The following PIGU variants were observed in gnomAD, a reference collection of about 807,000 sequenced individuals.
PIGU encodes GPI-anchor transamidase component PIGU.
A neutral mutation model predicts 49.9 loss-of-function variants in PIGU; 24 were observed. The observed-to-expected ratio is 0.48, with a 90% CI of 0.35 to 0.68. The LOEUF is 0.68. Ranked by LOEUF, PIGU falls within the 30% of genes least tolerant of loss-of-function variation. The pLI is 0.01. For synonymous variants in PIGU, 220 were observed against 205.7 expected (o/e 1.07, Z -0.59); for missense variants, 490 against 532.6 (o/e 0.92, Z 0.79).
chr20:34,621,096 C>G (rs546467774), intron 6 of PIGU, among the ~76,000 whole-genome samples: 14 of 152,222 alleles, frequency 9.2e-5, no homozygotes, highest in African/African-American at 3.1e-4. Flanking sequence ...GCATATGTTT[C>G]TCTCTCTCCC....
intron 10 of PIGU, among the ~76,000 whole-genome samples, chr20:34,580,814 G>C (rs964590372): frequency 3.9e-5 from 6 of 152,200 alleles, no homozygotes; most frequent in African/African-American, 1.4e-4. Context: ...AGAGGGCTAA[G>C]AGCACTGGGG....
chr20:34,643,625 A>G (rs1015370091), intron 4 of PIGU: 3 of 152,342 alleles, frequency 2.0e-5, no homozygotes, highest in Admixed American at 6.5e-5. Flanking sequence ...CCACTATGCA[A>G]TTCTCCTTGG....
intron 1 of PIGU, 33 bp from the exon 2 acceptor site, chr20:34,657,277 T>TAAGCAGGCAGCTACAGACC (rs1295811627): frequency 6.4e-7 from 1 of 1,560,468 alleles, no homozygotes; most frequent in African/African-American, 1.4e-5. Flanking sequence ...TCACTCAGAC[T>TAAGCAGGCAGCTACAGACC]AAGCAGGCAG....
At chr20:34,625,120 C>T (rs142342415) in intron 6 of PIGU, among the ~76,000 whole-genome samples, 2,496 of 152,176 alleles carry the variant, frequency 0.016, 84 homozygotes, top group African/African-American at 0.058. Flanking sequence ...GCATGTAATC[C>T]CAGCACTTTG....
intron 1 of PIGU, among the ~76,000 whole-genome samples, chr20:34,672,726 C>T (rs1236244262): frequency 6.6e-6 from 1 of 151,706 alleles, no homozygotes; most frequent in African/African-American, 2.4e-5. Context: ...AGTGTGGGAG[C>T]ATGCACCAAT....
chr20:34,570,712 AATTTT>A (rs1306804772), intron 11 of PIGU, among the ~76,000 whole-genome samples: 1 of 152,172 alleles, frequency 6.6e-6, no homozygotes, highest in African/African-American at 2.4e-5. Flanking sequence ...AGCCACTATT[AATTTT>A]AATTTTAGGA....
intron 11 of PIGU, among the ~76,000 whole-genome samples, chr20:34,573,807 C>A (rs1490642507): frequency 6.6e-6 from 1 of 152,250 alleles, no homozygotes; most frequent in African/African-American, 2.4e-5. Flanking sequence ...AGAGACAGAA[C>A]AGGCCCTCCG....
rs59998699 is a variant in PIGU at position 34,650,700 on chromosome 20, C to CTTTTTTTTTTTTTTTT, written c.196-5382_196-5367dup. Among the ~76,000 whole-genome samples the CTTTTTTTTTTTTTTTT allele has an allele frequency of 6.9e-3, 266 of 38,810 alleles. 58 individuals carry two copies. Among genetic ancestry groups the CTTTTTTTTTTTTTTTT allele is most frequent in the East Asian group, 0.012 (13 of 1,098 alleles). 25.5% of individuals were successfully genotyped at this position (38,810 alleles called of 152,430 possible). A position where few individuals can be genotyped will look rare whatever the true frequency, so the allele number is the denominator to read the frequency against. On this transcript the variant is annotated intron_variant, in intron 2 of 11. Transcript: ENST00000217446. ...AATTTTTTTCCTTTTCTTTTTTTCTCTTTTTTTTTTTTTTTTTTTTTTTTT... is the reference window on the plus strand; with the variant it reads ...AATTTTTTTCCTTTTCTTTTTTTCTCTTTTTTTTTTTTTTTTTTTTTTTTTTTTTTTTTTTTTTTTT...
chr20:34,589,768 G>A (rs1314537043), intron 7 of PIGU, among the ~76,000 whole-genome samples: 1 of 145,156 alleles, frequency 6.9e-6, no homozygotes, highest in Non-Finnish European at 1.5e-5. Context: ...GGATTCTCCT[G>A]CCTCACCCTC....
chr20:34,613,693 A>C (rs1236353089), intron 7 of PIGU, among the ~76,000 whole-genome samples: 3 of 152,266 alleles, frequency 2.0e-5, no homozygotes. Context: ...GGAAATAAAA[A>C]AGAAAATACA....
At chr20:34,649,512 T>C (rs1986460976) in intron 2 of PIGU, among the ~76,000 whole-genome samples, 1 of 151,970 alleles carries the variant, frequency 6.6e-6, no homozygotes, top group African/African-American at 2.4e-5. Context: ...TGCTGCTAAA[T>C]TCATCTATAC....
At chr20:34,580,406 T>A (rs1983408200) in intron 10 of PIGU, among the ~76,000 whole-genome samples, 1 of 152,108 alleles carries the variant, frequency 6.6e-6, no homozygotes, top group African/African-American at 2.4e-5. Context: ...CTGGCTCAGC[T>A]GCCCACACCA....
chr20:34,651,928 A>AC (rs903815148), intron 2 of PIGU, among the ~76,000 whole-genome samples: 34 of 148,728 alleles, frequency 2.3e-4, no homozygotes, highest in Middle Eastern at 3.4e-3. Flanking sequence ...ACAAAGTGAG[A>AC]CCCCCCCCAT....
At chr20:34,593,748 T>A (rs1160847697) in intron 7 of PIGU, among the ~76,000 whole-genome samples, 1 of 152,176 alleles carries the variant, frequency 6.6e-6, no homozygotes, top group African/African-American at 2.4e-5. Context: ...ATATATTTTT[T>A]AAATGAAATG....
rs759157691 is a variant in PIGU at position 34,657,180 on chromosome 20, T to G, written c.195A>C (p.Glu65Asp). Reference sequence around the variant, plus strand: ...CAGAAAAGAAAATAAGAACACTTACTTCATGAAATACTGCTCCAGAATACG... The same window carrying G: ...CAGAAAAGAAAATAAGAACACTTACGTCATGAAATACTGCTCCAGAATACG... ...VSPYSGAVFH[E>D]TPLIIYLFHF... The change falls in exon 2 of 12, where the codon GAA becomes GAC. Residue 65 changes from glutamate (E) to aspartate (D), a missense_variant and splice_region_variant. Coordinates refer to ENST00000217446, the MANE Select transcript of PIGU (RefSeq NM_080476.5). The G allele has an allele frequency of 4.0e-5, 65 of 1,607,374 alleles. No homozygotes were observed. Among genetic ancestry groups the G allele is most frequent in the Non-Finnish European group, 5.5e-5 (65 of 1,174,254 alleles).
chr20:34,571,701 G>C (rs535230807), intron 11 of PIGU, among the ~76,000 whole-genome samples: 51 of 152,324 alleles, frequency 3.3e-4, no homozygotes, highest in Admixed American at 9.2e-4. Context: ...GAAAAAGACA[G>C]TGGGACAAGG....
intron 7 of PIGU, 58 bp downstream of exon 7, chr20:34,615,984 G>T: frequency 1.3e-6 from 2 of 1,554,430 alleles, no homozygotes; most frequent in South Asian, 2.5e-5. Flanking sequence ...CCCCAGCAGG[G>T]ACCAGGCCAT....
intron 1 of PIGU, among the ~76,000 whole-genome samples, chr20:34,658,727 G>A (rs576707812): frequency 1.1e-4 from 17 of 148,710 alleles, no homozygotes; most frequent in African/African-American, 2.2e-4. Flanking sequence ...CAACCGCCCC[G>A]TCTGAGAAGT....
At chr20:34,626,537 G>A (rs1183868990) in intron 6 of PIGU, among the ~76,000 whole-genome samples, 4 of 151,934 alleles carry the variant, frequency 2.6e-5, no homozygotes, top group East Asian at 1.9e-4. Flanking sequence ...TCCTGACCTC[G>A]GGTGATCCAC....
Sources: gnomAD v4.1 joint callset for allele counts (sites outside exome capture counted in the v4.1 genomes callset) on GRCh38, gnomAD v4.1.1 for gene constraint, MANE v1.5 for transcripts, NCBI Gene and HGNC (gene_info 2026-07-23, HGNC 2026-07-21) for gene names.